Variants in SPAG17 observed in about 807,000 individuals in gnomAD.
SPAG17 encodes sperm-associated antigen 17.
A neutral mutation model predicts 273.6 loss-of-function variants in SPAG17; 169 were observed. The ratio of observed to expected loss-of-function variants is 0.62; its 90% confidence interval spans 0.55 to 0.70. The LOEUF (loss-of-function observed/expected upper bound fraction) is 0.70. SPAG17 is among the 30% of genes least tolerant of loss of function. The pLI is 0.00. For synonymous variants in SPAG17, 825 were observed against 873.2 expected, an observed-to-expected ratio of 0.94 and a Z score of 0.97; for missense variants, 2,557 against 2,627.8, an observed-to-expected ratio of 0.97 and a Z score of 0.59.
In SPAG17 at chr1:118,039,418, CCACTCT is replaced by C; in HGVS notation, c.3187_3192del (p.Arg1063_Val1064del). The C allele has an allele frequency of 6.2e-7, 1 of 1,613,384 alleles. No individual in the cohort carries two copies. The highest frequency in any genetic ancestry group is 2.2e-5 in the East Asian group (1 of 44,844). ...ATCATAAAATTGTGGTTGTCCTTTA[CCACTCT>C]CACTTTGATAAAAGTTGGGCCTGAG... On this transcript the variant is annotated inframe_deletion, in exon 23 of 49. Transcript: ENST00000336338.
At chr1:118,174,163 A>T (rs1660568747) in intron 1 of SPAG17, among the ~76,000 whole-genome samples, 1 of 152,160 alleles carries the variant, frequency 6.6e-6, no homozygotes, top group African/African-American at 2.4e-5. Flanking sequence ...AGACAAAATT[A>T]AAAAAAGAAA....
intron 43 of SPAG17, among the ~76,000 whole-genome samples, chr1:117,976,668 A>G (rs944153661): frequency 2.6e-5 from 4 of 152,264 alleles, no homozygotes; most frequent in East Asian, 3.9e-4. Flanking sequence ...ACACCTGAAC[A>G]TTACCTGCAG....
At chr1:118,095,557 G>A (rs1043026443) in intron 7 of SPAG17, among the ~76,000 whole-genome samples, 1 of 152,184 alleles carries the variant, frequency 6.6e-6, no homozygotes, top group Non-Finnish European at 1.5e-5. Context: ...GAGAGGAGCA[G>A]TGTTTCTCCA....
At position 118,101,796 on chromosome 1, in the gene SPAG17, T is replaced by G; in HGVS notation, c.578A>C (p.Lys193Thr). 1 of 1,614,102 alleles carries G rather than the reference T, an allele frequency of 6.2e-7. No homozygotes were observed. The highest frequency in any genetic ancestry group is 8.5e-7 in the Non-Finnish European group (1 of 1,179,964). The part of the protein sequence containing the change: ...KDQPEANAPV[K>T]KTTQLKRRGE... ...TCTCCGCTTTAACTGGGTGGTCTTT[T>G]TCACTGGTGCATTTGCCTCAGGCTG... Residue 193 changes from lysine (K) to threonine (T), a missense_variant, in exon 5 of 49, where the codon AAA becomes ACA. Physicochemically the swap from Lys to Thr is moderately conservative, Grantham distance 78 (BLOSUM62 -1). Coordinates refer to ENST00000336338, the MANE Select transcript of SPAG17 (RefSeq NM_206996.4).
chr1:118,014,977 C>T (rs1047340987), intron 29 of SPAG17, among the ~76,000 whole-genome samples: 3 of 152,074 alleles, frequency 2.0e-5, no homozygotes, highest in African/African-American at 7.2e-5. Flanking sequence ...GTATAAAAGT[C>T]CCCAAAGAAA....
At chr1:118,147,551 T>C (rs558220461) in intron 3 of SPAG17, among the ~76,000 whole-genome samples, 5 of 152,314 alleles carry the variant, frequency 3.3e-5, no homozygotes, top group South Asian at 4.1e-4. Context: ...AAAAAGAGAA[T>C]GTGAATGAAC....
chr1:118,062,896 A>G (rs1264007457), intron 18 of SPAG17, among the ~76,000 whole-genome samples: 1 of 152,216 alleles, frequency 6.6e-6, no homozygotes, highest in Admixed American at 6.5e-5. Context: ...TCCATAGAAT[A>G]TGTTACATCT....
At chr1:118,139,132 A>T (rs902758323) in intron 3 of SPAG17, among the ~76,000 whole-genome samples, 15 of 152,130 alleles carry the variant, frequency 9.9e-5, no homozygotes, top group African/African-American at 3.4e-4. Flanking sequence ...AAAAAATTTA[A>T]AAAAAATGGG....
chr1:118,025,248 C>T lies in SPAG17; in HGVS notation c.3899G>A (p.Gly1300Glu). Residue 1300 changes from glycine (G) to glutamate (E), a missense_variant, in exon 27 of 49, where the codon GGA becomes GAA. Transcript: ENST00000336338. ...QGTVVKYMLD[G>E]STQILFADGA... ...AACACATTCTTTTACCTGTGTGGAT[C>T]CATCCAACATATATTTGACAACAGT... The T allele has an allele frequency of 6.2e-7, 1 of 1,613,386 alleles. No homozygotes were observed. The highest frequency in any genetic ancestry group is 8.5e-7 in the Non-Finnish European group (1 of 1,179,658).
rs770111742 is a variant in SPAG17, at chr1:118,028,304, G to A, written c.3700C>T (p.Leu1234=). 24 of 1,613,650 alleles carry A rather than the reference G, an allele frequency of 1.5e-5. No individual in the cohort carries two copies. The highest frequency in any genetic ancestry group is 1.9e-5 in the Non-Finnish European group (23 of 1,179,670). The part of the protein sequence containing the change: ...SLNVSCPSGL[L]LTFIGQESTG... Reference sequence around the variant, plus strand: ...GATTCTTGTCCAATGAAAGTCAACAGGAGCCCACTGGGGCAAGACACATTT... The same window carrying A: ...GATTCTTGTCCAATGAAAGTCAACAAGAGCCCACTGGGGCAAGACACATTT... Residue 1234 remains leucine, a synonymous_variant, in exon 26 of 49, where the codon CTG becomes TTG. Transcript: ENST00000336338.
chr1:118,063,232 T>G (rs374504096), intron 18 of SPAG17, among the ~76,000 whole-genome samples: 1 of 152,152 alleles, frequency 6.6e-6, no homozygotes, highest in East Asian at 1.9e-4. Flanking sequence ...TGGAAAAAAC[T>G]ACTTTAAAGT....
chr1:118,000,058 C>T (rs1434754309), intron 32 of SPAG17, among the ~76,000 whole-genome samples: 1 of 152,144 alleles, frequency 6.6e-6, no homozygotes, highest in Non-Finnish European at 1.5e-5. Flanking sequence ...CCAGTTTTCC[C>T]AGCATCATTA....
chr1:117,996,479 A>T lies in SPAG17; in HGVS notation c.4944T>A (p.Asp1648Glu), dbSNP rs1657674404. 6.2e-7 allele frequency: 1 copy of T among 1,612,662 alleles called. No homozygotes were observed. Among genetic ancestry groups the T allele is most frequent in the Middle Eastern group, 1.7e-4 (1 of 6,040 alleles). Residue 1648 changes from aspartate to glutamate, a missense_variant, in exon 34 of 49, where the codon GAT (aspartate) becomes GAA (glutamate). By Grantham distance (45) the Asp-to-Glu change is conservative. Coordinates refer to ENST00000336338, the MANE Select transcript of SPAG17 (RefSeq NM_206996.4). ...CTCGAAGAAGTTCCATTCCTGATCC[A>T]TCAGCATACATAACAAAAAACCTAT... is the stretch of plus-strand genomic sequence containing the variant. The part of the protein sequence containing the change: ...HVPRFFVMYA[D>E]GSGMELLRDS...
chr1:118,076,472 C>A (rs1654105273), intron 15 of SPAG17: 1 of 152,056 alleles, frequency 6.6e-6, no homozygotes, highest in African/African-American at 2.4e-5. Context: ...AAAACTCAGG[C>A]CAACTATAAC....
intron 18 of SPAG17, among the ~76,000 whole-genome samples, chr1:118,062,235 C>T (rs1296963707): frequency 6.6e-6 from 1 of 150,820 alleles, no homozygotes; most frequent in Non-Finnish European, 1.5e-5. Flanking sequence ...GGCGTAGTGG[C>T]GGGCGCCTGT....
intron 18 of SPAG17, among the ~76,000 whole-genome samples, chr1:118,057,095 G>A (rs900170837): frequency 1.3e-4 from 19 of 151,874 alleles, no homozygotes; most frequent in Admixed American, 3.3e-4. Flanking sequence ...TCCTGATTCA[G>A]CCTCCCGAGT....
At chr1:118,147,734 A>C (rs545692703) in intron 3 of SPAG17, among the ~76,000 whole-genome samples, 5 of 152,368 alleles carry the variant, frequency 3.3e-5, no homozygotes, top group South Asian at 2.1e-4. Context: ...TGTGTACACA[A>C]CACCATGCCA....
chr1:117,979,308 A>G (rs891180043), intron 43 of SPAG17, among the ~76,000 whole-genome samples: 1 of 152,178 alleles, frequency 6.6e-6, no homozygotes, highest in Non-Finnish European at 1.5e-5. Context: ...CATCAAAACT[A>G]CAAATTCTCA....
intron 1 of SPAG17, among the ~76,000 whole-genome samples, chr1:118,152,328 G>C (rs920542091): frequency 4.6e-5 from 7 of 152,064 alleles, no homozygotes; most frequent in African/African-American, 1.7e-4. Context: ...ATAGTAAAAT[G>C]GTCTCCTGGT....
Sources: gnomAD v4.1 joint callset for allele counts (sites outside exome capture counted in the v4.1 genomes callset) on GRCh38, gnomAD v4.1.1 for gene constraint, MANE v1.5 for transcripts, NCBI Gene and HGNC (gene_info 2026-07-23, HGNC 2026-07-21) for gene names.